The following FARP2 variants were observed in gnomAD, a reference collection of about 807,000 sequenced individuals.
The protein encoded by FARP2 is FERM, ARHGEF and pleckstrin domain-containing protein 2.
In FARP2, 111 loss-of-function variants were observed where a neutral mutation model predicts 130.5. That is an observed-to-expected ratio of 0.85 (90% CI 0.73 to 1.00). The LOEUF is 1.00. Ranked by LOEUF, FARP2 falls within the 50% of genes least tolerant of loss-of-function variation. FARP2 has a pLI of 0.00. For synonymous variants in FARP2, 504 were observed against 516.9 expected, an observed-to-expected ratio of 0.98 and a Z score of 0.34; for missense variants, 1,385 against 1,346.3, an observed-to-expected ratio of 1.03 and a Z score of -0.45.
intron 13 of FARP2, chr2:241,444,865 ACTTGACCAT>A (rs1440920726): frequency 6.6e-6 from 1 of 152,200 alleles, no homozygotes; most frequent in African/African-American, 2.4e-5. Context: ...TGTTACCCAC[ACTTGACCAT>A]GCTTGCCCCA....
chr2:241,473,982 G>A (rs1225867667), intron 18 of FARP2, among the ~76,000 whole-genome samples: 1 of 151,998 alleles, frequency 6.6e-6, no homozygotes, highest in Non-Finnish European at 1.5e-5. Context: ...TCTGAAAGCT[G>A]TAAGGGGCTG....
intron 1 of FARP2, among the ~76,000 whole-genome samples, chr2:241,358,788 A>G (rs536761078): frequency 3.5e-4 from 53 of 152,290 alleles, no homozygotes; most frequent in African/African-American, 9.9e-4. Flanking sequence ...GTATTTGTCA[A>G]TGCCACAGGG....
Position 241,431,822 on chromosome 2 carries a change from A to G in FARP2, c.867+48A>G, listed in dbSNP as rs762961302. 7.3e-6 allele frequency: 5 copies of G among 685,908 alleles called. No homozygotes were observed. The Admixed American group carries it at 1.6e-4, about 22-fold the overall frequency. 42.5% of individuals were successfully genotyped at this position (685,908 alleles called of 1,614,324 possible). On this transcript the variant is annotated intron_variant, in intron 9 of 26. Coordinates refer to ENST00000264042, the MANE Select transcript of FARP2 (RefSeq NM_014808.4). ...TATTTTTATTTTATTTTATTTATTT[A>G]TTTATTTATTTTTTTGAGACGGAGT...
intron 20 of FARP2, 47 bp downstream of exon 20, chr2:241,483,580 G>A (rs1400221822): frequency 6.4e-7 from 1 of 1,562,894 alleles, no homozygotes; most frequent in South Asian, 1.1e-5. Flanking sequence ...GAGGGGGATG[G>A]GCAGCAGTTC....
intron 14 of FARP2, among the ~76,000 whole-genome samples, chr2:241,458,258 A>T (rs1574866724): frequency 6.6e-6 from 1 of 151,922 alleles, no homozygotes. Context: ...TGGCAGCTGG[A>T]TGGGAAGAGG....
At chr2:241,367,287 G>A (rs1285152703) in intron 1 of FARP2, among the ~76,000 whole-genome samples, 9 of 152,124 alleles carry the variant, frequency 5.9e-5, no homozygotes, top group Non-Finnish European at 1.2e-4. Flanking sequence ...ATGCAGCAGT[G>A]TTCTGGGGAG....
chr2:241,487,201 A>T (rs1055129592), intron 21 of FARP2, among the ~76,000 whole-genome samples: 9 of 152,236 alleles, frequency 5.9e-5, no homozygotes, highest in African/African-American at 2.2e-4. Flanking sequence ...TTTACCTTGT[A>T]GAATTTAAAC....
At chr2:241,368,234 G>A (rs967391739) in intron 1 of FARP2, among the ~76,000 whole-genome samples, 3 of 152,138 alleles carry the variant, frequency 2.0e-5, no homozygotes, top group Non-Finnish European at 2.9e-5. Flanking sequence ...TTTTAGGAAT[G>A]AAGACTGCAA....
intron 21 of FARP2, among the ~76,000 whole-genome samples, chr2:241,486,964 A>T (rs1027799948): frequency 6.6e-6 from 1 of 152,058 alleles, no homozygotes; most frequent in Non-Finnish European, 1.5e-5. Flanking sequence ...CCATCATTTC[A>T]CTTTGCATCC....
intron 13 of FARP2, among the ~76,000 whole-genome samples, chr2:241,452,892 G>A (rs1190437386): frequency 2.0e-5 from 3 of 151,100 alleles, no homozygotes; most frequent in African/African-American, 7.3e-5. Flanking sequence ...AGTGAGCCGA[G>A]ATCATGCCAT....
intron 13 of FARP2, chr2:241,443,010 C>T (rs2063426893): frequency 1.0e-5 from 2 of 198,262 alleles, no homozygotes; most frequent in Non-Finnish European, 1.0e-5. Context: ...CTTGAGTATG[C>T]CTCTACAGCC....
chr2:241,421,143 C>A (rs1013096047), intron 8 of FARP2, among the ~76,000 whole-genome samples: 12 of 152,196 alleles, frequency 7.9e-5, no homozygotes, highest in Non-Finnish European at 1.6e-4. Flanking sequence ...CAGGAAACTA[C>A]ACCTCTCCCA....
intron 21 of FARP2, chr2:241,488,936 C>T (rs2064827872): frequency 1.3e-5 from 2 of 152,232 alleles, no homozygotes; most frequent in African/African-American, 4.8e-5. Context: ...ATCCCTTATT[C>T]TGCCTCCTTT....
intron 24 of FARP2, 72 bp from the exon 25 acceptor site, chr2:241,492,857 G>C: frequency 1.2e-6 from 1 of 853,620 alleles, no homozygotes; most frequent in Non-Finnish European, 2.0e-6. Flanking sequence ...GCTTAGTCTT[G>C]GGGAGCAAAC....
chr2:241,437,648 ATATTTATTTATT>A (rs546520221), intron 12 of FARP2, among the ~76,000 whole-genome samples: 1 of 139,528 alleles, frequency 7.2e-6, no homozygotes, highest in Admixed American at 8.1e-5. Context: ...ACATATATAT[ATATTTATTTATT>A]TATTTATTTA....
intron 11 of FARP2, among the ~76,000 whole-genome samples, chr2:241,435,668 C>T (rs1237602986): frequency 6.6e-6 from 1 of 151,446 alleles, no homozygotes. Context: ...CCTGCCACCA[C>T]GCCTGGCAAA....
chr2:241,434,428 T>A (rs2063167906), intron 10 of FARP2, 107 bp downstream of exon 10: 5 of 830,496 alleles, frequency 6.0e-6, no homozygotes, highest in Non-Finnish European at 8.9e-6. Flanking sequence ...TTCAGAGAAT[T>A]ACACACAAAG....
At chr2:241,451,585 C>A (rs548938754) in intron 13 of FARP2, among the ~76,000 whole-genome samples, 8 of 152,070 alleles carry the variant, frequency 5.3e-5, no homozygotes, top group Non-Finnish European at 2.9e-5. Context: ...AAGGGACTCT[C>A]GAAACTCAGA....
chr2:241,492,049 C>T (rs2124918434), intron 24 of FARP2, among the ~76,000 whole-genome samples: 1 of 152,326 alleles, frequency 6.6e-6, no homozygotes, highest in East Asian at 1.9e-4. Flanking sequence ...GCCCAGGCAC[C>T]CTGCCATAGA....
Sources: gnomAD v4.1 joint callset for allele counts (sites outside exome capture counted in the v4.1 genomes callset) on GRCh38, gnomAD v4.1.1 for gene constraint, MANE v1.5 for transcripts, NCBI Gene and HGNC (gene_info 2026-07-23, HGNC 2026-07-21) for gene names.